Variants in SGCZ observed in about 807,000 individuals in gnomAD.
SGCZ encodes the protein zeta-sarcoglycan.
Under a neutral mutation model 41.3 loss-of-function variants are expected in SGCZ, and 40 were observed. The observed-to-expected ratio is 0.97, with a 90% CI of 0.75 to 1.26. SGCZ has a LOEUF of 1.26. Ranked by LOEUF, SGCZ falls within the 50% of genes most tolerant of loss-of-function variation. The probability of loss-of-function intolerance (pLI) is 0.00; values close to 1 mark genes in which losing one functional copy is unlikely to be tolerated. For synonymous variants in SGCZ, 206 were observed against 137.5 expected (o/e 1.50, Z -3.49); for missense variants, 552 against 369.8 (o/e 1.49, Z -4.04).
At chr8:14,324,910 AG>A (rs1289883663) in intron 2 of SGCZ, among the ~76,000 whole-genome samples, 1 of 152,200 alleles carries the variant, frequency 6.6e-6, no homozygotes, top group East Asian at 1.9e-4. Context: ...GAATTTCAAC[AG>A]GGAAGGTCCC....
chr8:14,762,500 C>T lies in SGCZ; in HGVS notation c.40-207574G>A, dbSNP rs144915520. Reference sequence around the variant, plus strand: ...AATTTATGTGAAGTAATTAGCACAGCGCCCAACATATAGTAAGTACTGAAT... The same window carrying T: ...AATTTATGTGAAGTAATTAGCACAGTGCCCAACATATAGTAAGTACTGAAT... On this transcript the variant is annotated intron_variant, in intron 1 of 7. Coordinates refer to ENST00000382080, the MANE Select transcript of SGCZ (RefSeq NM_139167.4). Among the ~76,000 whole-genome samples the T allele has an allele frequency of 5.7e-3, 869 of 152,262 alleles. 14 individuals are homozygous for T. Among genetic ancestry groups the T allele is most frequent in the African/African-American group, 0.02 (824 of 41,536 alleles).
intron 1 of SGCZ, among the ~76,000 whole-genome samples, chr8:14,814,429 G>T (rs1004878757): frequency 2.0e-5 from 3 of 152,028 alleles, no homozygotes; most frequent in African/African-American, 7.2e-5. Context: ...AGGAAGGCAG[G>T]GCCAATAGCA....
intron 2 of SGCZ, among the ~76,000 whole-genome samples, chr8:14,455,491 C>T (rs1003173501): frequency 1.6e-4 from 24 of 146,764 alleles, no homozygotes; most frequent in East Asian, 2.1e-4. Flanking sequence ...CACACACACA[C>T]GCATATACAC....
chr8:15,012,926 G>C (rs1407577359), intron 1 of SGCZ, among the ~76,000 whole-genome samples: 2 of 151,426 alleles, frequency 1.3e-5, no homozygotes, highest in African/African-American at 4.9e-5. Flanking sequence ...CTCATGTACT[G>C]GTGAATGATC....
chr8:14,739,823 A>G (rs1049468834), intron 1 of SGCZ, among the ~76,000 whole-genome samples: 10 of 152,090 alleles, frequency 6.6e-5, no homozygotes, highest in African/African-American at 2.4e-4. Context: ...TTATCATGCT[A>G]GGTCAACAGG....
At chr8:14,518,341 T>A (rs1802686977) in intron 2 of SGCZ, among the ~76,000 whole-genome samples, 1 of 152,140 alleles carries the variant, frequency 6.6e-6, no homozygotes, top group Non-Finnish European at 1.5e-5. Flanking sequence ...TATGCTAGTG[T>A]GTATGTATGT....
intron 2 of SGCZ, among the ~76,000 whole-genome samples, chr8:14,377,033 G>A (rs950417258): frequency 3.3e-5 from 5 of 152,102 alleles, no homozygotes; most frequent in East Asian, 1.9e-4. Flanking sequence ...ACCCCTTTCC[G>A]CCATATCTGA....
intron 1 of SGCZ, among the ~76,000 whole-genome samples, chr8:15,005,091 C>G (rs1802557311): frequency 6.6e-6 from 1 of 152,058 alleles, no homozygotes; most frequent in East Asian, 1.9e-4. Flanking sequence ...CAGAGGCTTC[C>G]TAAGGGAAAG....
intron 1 of SGCZ, among the ~76,000 whole-genome samples, chr8:15,145,751 G>A (rs1799019305): frequency 6.6e-6 from 1 of 152,142 alleles, no homozygotes; most frequent in Non-Finnish European, 1.5e-5. Flanking sequence ...ACCATACGTG[G>A]CCCTCCATCT....
chr8:14,230,034 T>C (rs1387894450), intron 4 of SGCZ, among the ~76,000 whole-genome samples: 1 of 152,142 alleles, frequency 6.6e-6, no homozygotes, highest in East Asian at 1.9e-4. Flanking sequence ...ATTTACCTTC[T>C]TCATTTTAAA....
chr8:14,647,247 A>C (rs1807252025), intron 1 of SGCZ, among the ~76,000 whole-genome samples: 1 of 152,028 alleles, frequency 6.6e-6, no homozygotes, highest in Admixed American at 6.6e-5. Flanking sequence ...CTCCTTCAGC[A>C]TTTACCTTCT....
chr8:14,105,196 C>T (rs183300014), intron 6 of SGCZ, among the ~76,000 whole-genome samples: 22 of 151,994 alleles, frequency 1.4e-4, no homozygotes, highest in Admixed American at 1.4e-3. Context: ...AAAGAAAATC[C>T]ACAGTTTTAA....
intron 1 of SGCZ, among the ~76,000 whole-genome samples, chr8:14,835,987 C>T (rs886115935): frequency 3.9e-5 from 6 of 152,122 alleles, no homozygotes; most frequent in Non-Finnish European, 7.4e-5. Context: ...ATGCCCAGCA[C>T]GTGAGACTTG....
At chr8:15,136,177 C>A (rs1025574956) in intron 1 of SGCZ, among the ~76,000 whole-genome samples, 1 of 152,072 alleles carries the variant, frequency 6.6e-6, no homozygotes, top group African/African-American at 2.4e-5. Flanking sequence ...TCAAGCCCCA[C>A]CTCCTGAGTA....
chr8:14,198,631 T>A (rs1282271336), intron 4 of SGCZ, among the ~76,000 whole-genome samples: 2 of 152,176 alleles, frequency 1.3e-5, no homozygotes, highest in Non-Finnish European at 2.9e-5. Flanking sequence ...ACTGATCTTT[T>A]TAAATCTTAG....
At chr8:15,011,435 C>A (rs1215900970) in intron 1 of SGCZ, among the ~76,000 whole-genome samples, 4 of 152,096 alleles carry the variant, frequency 2.6e-5, no homozygotes, top group African/African-American at 9.7e-5. Context: ...GCTGAAAAAT[C>A]TAAATAAATC....
intron 1 of SGCZ, among the ~76,000 whole-genome samples, chr8:14,993,125 A>G (rs1329894100): frequency 6.6e-6 from 1 of 152,194 alleles, no homozygotes; most frequent in Non-Finnish European, 1.5e-5. Flanking sequence ...CAAATATTAT[A>G]AAATAGCTCT....
At chr8:14,287,223 T>A (rs1800672284) in intron 3 of SGCZ, among the ~76,000 whole-genome samples, 1 of 151,366 alleles carries the variant, frequency 6.6e-6, no homozygotes, top group Non-Finnish European at 1.5e-5. Flanking sequence ...ATAATTTAAT[T>A]TTTTCAATGT....
At chr8:15,216,944 T>G (rs1295814395) in intron 1 of SGCZ, among the ~76,000 whole-genome samples, 1 of 152,094 alleles carries the variant, frequency 6.6e-6, no homozygotes, top group Non-Finnish European at 1.5e-5. Flanking sequence ...GAAGAGAAGA[T>G]TAAAGGGTAA....
Sources: gnomAD v4.1 joint callset for allele counts (sites outside exome capture counted in the v4.1 genomes callset) on GRCh38, gnomAD v4.1.1 for gene constraint, MANE v1.5 for transcripts, NCBI Gene and HGNC (gene_info 2026-07-23, HGNC 2026-07-21) for gene names.